Variants in CFAP206 observed in about 807,000 individuals in gnomAD.
The protein encoded by CFAP206 is cilia- and flagella-associated protein 206.
Under a neutral mutation model 65.4 loss-of-function variants are expected in CFAP206, and 53 were observed. The observed-to-expected ratio is 0.81, with a 90% CI of 0.65 to 1.02. The LOEUF (loss-of-function observed/expected upper bound fraction) is 1.02, where lower values mean the gene tolerates loss of function less well. Ranked by LOEUF, CFAP206 falls within the 50% of genes least tolerant of loss-of-function variation. CFAP206 has a pLI of 0.00. For synonymous variants in CFAP206, 250 were observed against 254.4 expected (o/e 0.98, Z 0.17); for missense variants, 663 against 753.2 (o/e 0.88, Z 1.40).
rs775545581 is a variant in CFAP206 at position 87,410,566 on chromosome 6, C to T, written c.109-19C>T. 24 of 1,575,844 alleles carry T rather than the reference C, an allele frequency of 1.5e-5. No individual in the cohort carries two copies. The South Asian group carries it at 2.1e-4, about 14-fold the overall frequency. On this transcript the variant is annotated intron_variant, in intron 2 of 12. Coordinates refer to ENST00000369562, the MANE Select transcript of CFAP206 (RefSeq NM_001031743.3). Reference sequence around the variant, plus strand: ...TGGATTCTTTCCTAGTTAATGGACTCGTTCCTACTTTTTTCTAGGTGAAAG... The same window carrying T: ...TGGATTCTTTCCTAGTTAATGGACTTGTTCCTACTTTTTTCTAGGTGAAAG...
At chr6:87,412,689 C>T (rs1470874701) in intron 3 of CFAP206, among the ~76,000 whole-genome samples, 3 of 151,904 alleles carry the variant, frequency 2.0e-5, no homozygotes, top group Non-Finnish European at 2.9e-5. Context: ...GACAGAGTCT[C>T]GCTCTGTCCC....
At chr6:87,442,676 G>GT (rs976114032) in intron 11 of CFAP206, among the ~76,000 whole-genome samples, 1 of 152,060 alleles carries the variant, frequency 6.6e-6, no homozygotes, top group African/African-American at 2.4e-5. Context: ...TTTGCTGAGA[G>GT]TTTTTTATAT....
chr6:87,449,562 C>A (rs2127955899), intron 11 of CFAP206, among the ~76,000 whole-genome samples: 1 of 152,060 alleles, frequency 6.6e-6, no homozygotes. Flanking sequence ...TGTGCATTTC[C>A]CTGATGATTA....
At chr6:87,417,819 G>A (rs1478162645) in intron 6 of CFAP206, among the ~76,000 whole-genome samples, 3 of 148,974 alleles carry the variant, frequency 2.0e-5, no homozygotes, top group Non-Finnish European at 3.0e-5. Context: ...GCAGTGGCGC[G>A]ATCTCGGCTT....
intron 9 of CFAP206, among the ~76,000 whole-genome samples, chr6:87,429,838 T>A (rs6454626): frequency 0.36 from 54,700 of 152,048 alleles, 11,199 homozygotes; most frequent in African/African-American, 0.56. Flanking sequence ...CTATTAGAAT[T>A]CATAAAAACT....
At chr6:87,428,501 G>GT in intron 8 of CFAP206, 125 bp from the exon 9 acceptor site, 1 of 818,126 alleles carries the variant, frequency 1.2e-6, no homozygotes, top group Admixed American at 2.2e-5. Context: ...GTCTAAGTTC[G>GT]TAAGACTTTT....
intron 10 of CFAP206, among the ~76,000 whole-genome samples, chr6:87,434,455 CT>C (rs1718883625): frequency 6.7e-6 from 1 of 148,736 alleles, no homozygotes; most frequent in African/African-American, 2.5e-5. Context: ...AGGAATGGCT[CT>C]ATGGTATGTT....
At chr6:87,408,548 AGC>A (rs1767670033) in intron 1 of CFAP206, 1 of 71,686 alleles carries the variant, frequency 1.4e-5, no homozygotes, top group South Asian at 3.4e-4. Flanking sequence ...ACAGATCCGG[AGC>A]GCGCACACAG....
chr6:87,431,585 T>G lies in CFAP206; in HGVS notation c.1300+412T>G, dbSNP rs1768156519. Among the ~76,000 whole-genome samples, 9 of 152,078 alleles carry G rather than the reference T, an allele frequency of 5.9e-5. No individual in the cohort carries two copies. The South Asian group carries it at 1.9e-3, about 32-fold the overall frequency. Reference sequence around the variant, plus strand: ...GTTGGAGATCAGCCTGGCCAACATGTCGAAACCCTGTCTTTACTAAAAATA... The same window carrying G: ...GTTGGAGATCAGCCTGGCCAACATGGCGAAACCCTGTCTTTACTAAAAATA... On this transcript the variant is annotated intron_variant, in intron 10 of 12. Coordinates refer to ENST00000369562, the MANE Select transcript of CFAP206 (RefSeq NM_001031743.3).
chr6:87,426,918 C>G (rs1768052643), intron 8 of CFAP206, among the ~76,000 whole-genome samples: 1 of 152,058 alleles, frequency 6.6e-6, no homozygotes, highest in Non-Finnish European at 1.5e-5. Context: ...AATCATTGTA[C>G]TGTGGTTGAA....
chr6:87,446,366 C>A (rs1768440719), intron 11 of CFAP206, among the ~76,000 whole-genome samples: 3 of 152,084 alleles, frequency 2.0e-5, no homozygotes, highest in Admixed American at 2.0e-4. Flanking sequence ...AGTCTTTAAT[C>A]CATCTTAAGT....
At position 87,426,710 on chromosome 6, in the gene CFAP206, C is replaced by T. The variant is rs751587568; in HGVS notation, c.960+65C>T. The T allele has an allele frequency of 1.8e-5, 21 of 1,190,966 alleles. No homozygotes were observed. In the South Asian group the frequency reaches 3.5e-4, roughly 20 times the overall value. The allele number at this position is 1,190,966 out of a possible 1,614,324, so 73.8% of individuals were successfully genotyped here. On this transcript the variant is annotated intron_variant, in intron 8 of 12. Transcript: ENST00000369562. ...CCTTTTGAGCCCTATAATATTGGAT[C>T]GCAAGTCATTATAATTATATTTAAT...
Position 87,464,005 on chromosome 6 carries a change from T to G in CFAP206, c.1639-15T>G. ...TTTAGAGAAATGTTAATTCCTGTAT[T>G]CTCTTTCTCTTTAGGCTAATTTGCG... is the stretch of plus-strand genomic sequence containing the variant. On this transcript the variant is annotated splice_polypyrimidine_tract_variant and intron_variant, in intron 12 of 12. Coordinates refer to ENST00000369562, the MANE Select transcript of CFAP206 (RefSeq NM_001031743.3). The G allele has an allele frequency of 6.3e-7, 1 of 1,586,118 alleles. No individual in the cohort carries two copies. The highest frequency in any genetic ancestry group is 8.6e-7 in the Non-Finnish European group (1 of 1,157,040).
chr6:87,408,126 G>A (rs1354807555), intron 1 of CFAP206, 37 bp downstream of exon 1: 1 of 964,126 alleles, frequency 1.0e-6, no homozygotes, highest in Non-Finnish European at 1.2e-6. Flanking sequence ...TTGACCCGGA[G>A]GCGTACCCCG....
intron 9 of CFAP206, among the ~76,000 whole-genome samples, chr6:87,430,121 G>T (rs908839297): frequency 2.6e-5 from 4 of 152,108 alleles, no homozygotes; most frequent in Non-Finnish European, 5.9e-5. Flanking sequence ...AGCCAGTGTT[G>T]TTCTAAAAGA....
intron 5 of CFAP206, among the ~76,000 whole-genome samples, 194 bp from the exon 6 acceptor site, chr6:87,416,475 G>A (rs1011202856): frequency 1.3e-5 from 2 of 152,108 alleles, no homozygotes; most frequent in African/African-American, 2.4e-5. Context: ...TGAGGCAATG[G>A]CATAACTCTC....
chr6:87,423,772 T>C (rs1301344792), intron 7 of CFAP206, among the ~76,000 whole-genome samples: 3 of 152,028 alleles, frequency 2.0e-5, no homozygotes, highest in East Asian at 1.9e-4. Context: ...TTTGATATAA[T>C]AGATAATAGT....
In CFAP206 at chr6:87,464,448, C is replaced by A; in HGVS notation, c.*198C>A. On this transcript the variant is annotated 3_prime_UTR_variant, in exon 13 of 13. Transcript: ENST00000369562. ...ATTCTGTTGAAATTGAAAAATAAAA[C>A]TGTCCATTTATCTTTTATTTGTTAG... 1 of 411,714 alleles carries A rather than the reference C, an allele frequency of 2.4e-6. No homozygotes were observed. The highest frequency in any genetic ancestry group is 4.3e-6 in the Non-Finnish European group (1 of 231,866). The allele number at this position is 411,714 out of a possible 1,614,324, so 25.5% of individuals were successfully genotyped here.
chr6:87,446,551 C>T (rs1294500986), intron 11 of CFAP206, among the ~76,000 whole-genome samples: 1 of 152,162 alleles, frequency 6.6e-6, no homozygotes, highest in Non-Finnish European at 1.5e-5. Context: ...TTCCATCGGT[C>T]TATGTGTCTG....
Sources: allele counts gnomAD v4.1 joint callset (sites outside exome capture counted in the v4.1 genomes callset), GRCh38; gene constraint gnomAD v4.1.1; transcripts MANE v1.5; gene names NCBI Gene and HGNC (gene_info 2026-07-23, HGNC 2026-07-21).